KCNH2: variants seen among roughly 807,000 people sequenced by gnomAD.
The protein encoded by KCNH2 is potassium voltage-gated channel subfamily H member 2.
In KCNH2, 35 loss-of-function variants were observed where a neutral mutation model predicts 95.9. The observed-to-expected ratio is 0.37, with a 90% CI of 0.28 to 0.48. KCNH2 has a LOEUF of 0.48. KCNH2 is among the 20% of genes least tolerant of loss of function. The pLI, the probability that KCNH2 is intolerant of heterozygous loss-of-function variation, is 0.99. For missense variants in KCNH2, 1,274 were observed against 1,702.9 expected, an observed-to-expected ratio of 0.75 and a Z score of 4.43; for synonymous variants, 786 against 754.7, an observed-to-expected ratio of 1.04 and a Z score of -0.68.
chr7:150,955,867 C>T, intron 5 of KCNH2: 2 of 995,842 alleles, frequency 2.0e-6, no homozygotes, highest in South Asian at 9.4e-5. Context: ...CCCCGCCACA[C>T]TAGGCTCCCC....
In KCNH2 at chr7:150,973,116, C is replaced by T. The variant is rs556097292; in HGVS notation, c.307+1595G>A. Among the ~76,000 whole-genome samples the T allele has an allele frequency of 3.9e-5, 6 of 152,326 alleles. No homozygotes were observed. The South Asian group carries it at 1.2e-3, about 32-fold the overall frequency. ...GCCCAGGGAAGTCAACCAACTTGTCCAGTAGTGTATAATTTCCAGCATTGT... is the reference window on the plus strand; with the variant it reads ...GCCCAGGGAAGTCAACCAACTTGTCTAGTAGTGTATAATTTCCAGCATTGT... On this transcript the variant is annotated intron_variant, in intron 2 of 14. Coordinates refer to ENST00000262186, the MANE Select transcript of KCNH2 (RefSeq NM_000238.4).
chr7:150,977,948 C>T lies in KCNH2; in HGVS notation c.-35G>A. The T allele has an allele frequency of 1.4e-6, 2 of 1,452,088 alleles. No individual in the cohort carries two copies. The highest frequency in any genetic ancestry group is 9.3e-7 in the Non-Finnish European group (1 of 1,073,398). The allele number at this position is 1,452,088 out of a possible 1,614,324, so 90.0% of individuals were successfully genotyped here. ...ATGGGCGGGCCGGGCGGGCCCCCAC[C>T]CACCCCGGCCCGGCCCGGCCCAGCA... On this transcript the variant is annotated 5_prime_UTR_variant, in exon 1 of 15. Coordinates refer to ENST00000262186, the MANE Select transcript of KCNH2 (RefSeq NM_000238.4).
At chr7:150,966,793 G>C (rs200028142) in intron 2 of KCNH2, among the ~76,000 whole-genome samples, 1 of 152,168 alleles carries the variant, frequency 6.6e-6, no homozygotes, top group East Asian at 1.9e-4. Context: ...GGGCAAAAGG[G>C]AACAAAACCT....
intron 2 of KCNH2, among the ~76,000 whole-genome samples, chr7:150,965,726 A>G (rs1263883764): frequency 6.6e-6 from 1 of 152,114 alleles, no homozygotes. Context: ...GCCACTGTAC[A>G]CTGGCCGGGC....
At chr7:150,948,132 A>G (rs1800988298) in intron 11 of KCNH2, among the ~76,000 whole-genome samples, 1 of 152,202 alleles carries the variant, frequency 6.6e-6, no homozygotes, top group South Asian at 2.1e-4. Context: ...CCTCAGCCCC[A>G]TCGTTGGCTC....
intron 1 of KCNH2, among the ~76,000 whole-genome samples, chr7:150,976,820 A>G (rs1426167038): frequency 8.9e-6 from 1 of 111,802 alleles, no homozygotes; most frequent in South Asian, 3.2e-4. Flanking sequence ...GCCCTCAACC[A>G]GTGTCATTGT....
rs41314363 is a variant in KCNH2, at chr7:150,949,567, G to A, written c.2399-518C>T. 177 of 1,020,526 alleles carry A rather than the reference G, an allele frequency of 1.7e-4. No individual in the cohort carries two copies. The African/African-American group carries it at 2.8e-3, about 16-fold the overall frequency. 63.2% of individuals were successfully genotyped at this position (1,020,526 alleles called of 1,614,324 possible). On this transcript the variant is annotated intron_variant, in intron 9 of 14. Coordinates refer to ENST00000262186, the MANE Select transcript of KCNH2 (RefSeq NM_000238.4). The stretch of plus-strand genomic sequence containing the variant: ...TTTGTGGGGGTGTGTATTTGTGTTT[G>A]TACAGAGCTGAGAAACAAAGTCTAA...
Position 150,948,752 on chromosome 7 carries a change from G to A in KCNH2, c.2592+104C>T, listed in dbSNP as rs577567071. On this transcript the variant is annotated intron_variant, in intron 10 of 14. Coordinates refer to ENST00000262186, the MANE Select transcript of KCNH2 (RefSeq NM_000238.4). ...CTCTATGATACCATTTGACAGACAG[G>A]GAAACTGAGACAGAGAAGCATCACA... The A allele has an allele frequency of 6.6e-6, 8 of 1,204,842 alleles. No homozygotes were observed. The South Asian group carries it at 7.6e-5, about 12-fold the overall frequency. 74.6% of individuals were successfully genotyped at this position (1,204,842 alleles called of 1,614,324 possible).
intron 2 of KCNH2, among the ~76,000 whole-genome samples, chr7:150,964,864 G>A (rs987262495): frequency 5.3e-5 from 8 of 152,156 alleles, no homozygotes; most frequent in East Asian, 3.9e-4. Context: ...GCCTGGTGGC[G>A]GCGACAGGAA....
chr7:150,958,558 C>T, intron 3 of KCNH2, 56 bp from the exon 4 acceptor site: 1 of 1,414,364 alleles, frequency 7.1e-7, no homozygotes, highest in Non-Finnish European at 9.3e-7. Context: ...CCGGAGCGGG[C>T]AAGGCCTGGG....
intron 9 of KCNH2, chr7:150,949,301 C>T (rs1431967962): frequency 4.3e-6 from 6 of 1,386,508 alleles, no homozygotes; most frequent in East Asian, 5.5e-5. Context: ...GCCAGCAGGA[C>T]TACCCCAAAC....
rs1413533470 is a variant in KCNH2 at position 150,945,396 on chromosome 7, A to C, written c.3449T>G (p.Leu1150Arg). The C allele has an allele frequency of 1.3e-6, 2 of 1,586,892 alleles. No individual in the cohort carries two copies. The highest frequency in any genetic ancestry group is 4.6e-5 in the East Asian group (2 of 43,578). Residue 1150 changes from leucine (L) to arginine (R), a missense_variant, in exon 15 of 15, where the codon CTG becomes CGG. By Grantham distance (102) the Leu-to-Arg change is moderately radical. This residue lies in a region of KCNH2 where 457 missense variants were observed against 416.1 expected (regional missense o/e 1.10). Coordinates refer to ENST00000262186, the MANE Select transcript of KCNH2 (RefSeq NM_000238.4). The surrounding 1 kb of genome is among the most constrained non-coding windows in gnomAD (Gnocchi z 5.6). The stretch of plus-strand genomic sequence containing the variant: ...GCCCGGGTCCGAGCCGTGTCTGTGC[A>C]GGGGCTGGGAGGTGAGGGCCCCCAG... ...GQLGALTSQP[L>R]HRHGSDPGS
At chr7:150,959,528 G>A (rs754268293) in intron 3 of KCNH2, 44 bp downstream of exon 3, 23 of 1,608,282 alleles carry the variant, frequency 1.4e-5, no homozygotes, top group East Asian at 2.2e-5. Flanking sequence ...CCAAAGAAAT[G>A]AGACCACGAA....
chr7:150,963,959 G>A (rs1455335079), intron 2 of KCNH2, among the ~76,000 whole-genome samples: 1 of 152,182 alleles, frequency 6.6e-6, no homozygotes, highest in Non-Finnish European at 1.5e-5. Flanking sequence ...CTTTCATTTG[G>A]TGCCAATCCA....
chr7:150,974,221 C>T (rs1023032582), intron 2 of KCNH2, among the ~76,000 whole-genome samples: 2 of 152,220 alleles, frequency 1.3e-5, no homozygotes, highest in African/African-American at 4.8e-5. Flanking sequence ...GCAGCAGAGA[C>T]AGCCAGAGTC....
chr7:150,968,145 T>C (rs1801752175), intron 2 of KCNH2, among the ~76,000 whole-genome samples: 1 of 152,194 alleles, frequency 6.6e-6, no homozygotes, highest in Admixed American at 6.5e-5. Flanking sequence ...GTGGCCAAGA[T>C]ATGCGGGTAT....
At chr7:150,974,680 T>C (rs771065956) in intron 2 of KCNH2, 31 bp downstream of exon 2, 51 of 691,806 alleles carry the variant, frequency 7.4e-5, no homozygotes, top group Non-Finnish European at 9.0e-5. Context: ...ACCCCGCCCC[T>C]GGTCGTGGCC....
At chr7:150,976,177 C>T (rs1440261987) in intron 1 of KCNH2, among the ~76,000 whole-genome samples, 2 of 152,182 alleles carry the variant, frequency 1.3e-5, no homozygotes, top group Middle Eastern at 3.2e-3. Flanking sequence ...CCTCCCCTCC[C>T]CAGCAAGCAT....
chr7:150,965,681 G>A (rs1801684442), intron 2 of KCNH2, among the ~76,000 whole-genome samples: 1 of 152,180 alleles, frequency 6.6e-6, no homozygotes, highest in Non-Finnish European at 1.5e-5. Flanking sequence ...GCTGCTCTTG[G>A]AGAACTTGTC....
Sources: allele counts gnomAD v4.1 joint callset (sites outside exome capture counted in the v4.1 genomes callset), GRCh38; gene constraint gnomAD v4.1.1; regional missense constraint gnomAD v4.1.1; non-coding constraint Gnocchi (gnomAD v3.1); transcripts MANE v1.5; gene names NCBI Gene and HGNC (gene_info 2026-07-23, HGNC 2026-07-21).